TASOR2: variants seen among roughly 807,000 people sequenced by gnomAD.
TASOR2 encodes transcription activation suppressor family member 2.
A neutral mutation model predicts 199.5 loss-of-function variants in TASOR2; 84 were observed. That is an observed-to-expected ratio of 0.42 (90% CI 0.35 to 0.50). The LOEUF (loss-of-function observed/expected upper bound fraction) is 0.50, where lower values mean the gene tolerates loss of function less well. Ranked by LOEUF, TASOR2 falls within the 20% of genes least tolerant of loss-of-function variation. TASOR2 has a pLI of 0.02. For missense variants in TASOR2, 2,796 were observed against 2,835.9 expected (o/e 0.99, Z 0.32); for synonymous variants, 1,103 against 1,046.6 (o/e 1.05, Z -1.04).
intron 1 of TASOR2, among the ~76,000 whole-genome samples, chr10:5,707,388 G>C (rs1028910260): frequency 6.6e-6 from 1 of 152,070 alleles, no homozygotes; most frequent in Non-Finnish European, 1.5e-5. Context: ...ATCAGTTCAG[G>C]GATCTAGTTT....
intron 2 of TASOR2, chr10:5,714,486 C>T: frequency 3.8e-6 from 1 of 262,822 alleles, no homozygotes; most frequent in East Asian, 6.8e-5. Context: ...CCGAACTTGG[C>T]AACTATGGAA....
At chr10:5,686,127 T>C (rs2131474548) in intron 1 of TASOR2, among the ~76,000 whole-genome samples, 1 of 152,304 alleles carries the variant, frequency 6.6e-6, no homozygotes, top group Non-Finnish European at 1.5e-5. Context: ...GTATGTCCTG[T>C]ACTGTACATC....
chr10:5,718,496 C>G (rs1191886944), intron 3 of TASOR2, among the ~76,000 whole-genome samples: 1 of 151,634 alleles, frequency 6.6e-6, no homozygotes, highest in Non-Finnish European at 1.5e-5. Flanking sequence ...GCCTGTAATC[C>G]CAGCACTTTG....
chr10:5,711,903 TG>T (rs1439093348), intron 1 of TASOR2, among the ~76,000 whole-genome samples: 1 of 151,788 alleles, frequency 6.6e-6, no homozygotes, highest in African/African-American at 2.4e-5. Flanking sequence ...GTCTGGTGAG[TG>T]GGCAATAGTA....
chr10:5,703,368 T>A (rs1170481038), intron 1 of TASOR2, among the ~76,000 whole-genome samples: 1 of 152,136 alleles, frequency 6.6e-6, no homozygotes, highest in East Asian at 1.9e-4. Flanking sequence ...TAGGTTTTTT[T>A]AAATCTCTCA....
At chr10:5,744,956 T>C (rs1422901347) in intron 14 of TASOR2, among the ~76,000 whole-genome samples, 2 of 152,164 alleles carry the variant, frequency 1.3e-5, no homozygotes, top group African/African-American at 4.8e-5. Flanking sequence ...TAACAAGAGA[T>C]TTGGAACACA....
chr10:5,708,230 AT>A (rs201623805), intron 1 of TASOR2, among the ~76,000 whole-genome samples: 3,813 of 152,232 alleles, frequency 0.025, 104 homozygotes, highest in African/African-American at 0.066. Flanking sequence ...ATATTAAACT[AT>A]TTGCAGTTCC....
chr10:5,692,556 G>A (rs1407581684), intron 1 of TASOR2, among the ~76,000 whole-genome samples: 1 of 152,156 alleles, frequency 6.6e-6, no homozygotes, highest in Admixed American at 6.5e-5. Flanking sequence ...CTGGGGTCCT[G>A]CGGGTTCTGT....
exon 15 of TASOR2, chr10:5,747,108 C>T (rs1479099993): frequency 6.2e-7 from 1 of 1,614,088 alleles, no homozygotes; most frequent in Non-Finnish European, 8.5e-7. Flanking sequence ...CAGGATGCCA[C>T]ACATCAGGTG....
chr10:5,695,909 T>A (rs2131504235), intron 1 of TASOR2, among the ~76,000 whole-genome samples: 1 of 152,256 alleles, frequency 6.6e-6, no homozygotes, highest in Middle Eastern at 3.4e-3. Context: ...AATTACAGGA[T>A]GGGGTGGGAA....
exon 15 of TASOR2, chr10:5,747,827 A>G (rs779151297): frequency 4.3e-6 from 7 of 1,613,886 alleles, no homozygotes; most frequent in African/African-American, 1.3e-5. Context: ...AACTTTACCC[A>G]GGTACAACAA....
chr10:5,719,654 CT>C lies in TASOR2; in HGVS notation c.-99-881del, dbSNP rs889860108. The stretch of plus-strand genomic sequence containing the variant: ...ACTGTGCCCAGCTGCTTGCTTTTTT[CT>C]TTTTTTTTGGAGAGACATGTAACCC... On this transcript the variant is annotated intron_variant, in intron 3 of 20. Coordinates refer to ENST00000328090, the Ensembl canonical transcript of TASOR2. The surrounding 1 kb of genome is among the most constrained non-coding windows in gnomAD (Gnocchi z 4.1). Among the ~76,000 whole-genome samples the C allele has an allele frequency of 4.0e-5, 6 of 150,952 alleles. No individual in the cohort carries two copies. Among genetic ancestry groups the C allele is most frequent in the East Asian group, 1.9e-4 (1 of 5,174 alleles).
At chr10:5,749,264 C>T (rs775598640) in exon 15 of TASOR2, 15 of 1,614,186 alleles carry the variant, frequency 9.3e-6, no homozygotes, top group South Asian at 4.4e-5. Flanking sequence ...AGGAGGCACC[C>T]GAGTTTCAGT....
Position 5,726,974 on chromosome 10 carries a change from T to C in TASOR2, c.424+17T>C. 1 of 1,613,696 alleles carries C rather than the reference T, an allele frequency of 6.2e-7. No homozygotes were observed. Among genetic ancestry groups the C allele is most frequent in the African/African-American group, 1.3e-5 (1 of 75,014 alleles). Reference sequence around the variant, plus strand: ...CAGAACCAGGTATGGAGAACTGTTTTGGGAAAAAATATTTTTCATTATGTT... The same window carrying C: ...CAGAACCAGGTATGGAGAACTGTTTCGGGAAAAAATATTTTTCATTATGTT... On this transcript the variant is annotated intron_variant, in intron 9 of 20. Transcript: ENST00000328090.
At chr10:5,725,174 C>T (rs573509703) in intron 8 of TASOR2, among the ~76,000 whole-genome samples, 19 of 151,872 alleles carry the variant, frequency 1.3e-4, no homozygotes, top group South Asian at 4.2e-4. Context: ...CCAAGGCGGG[C>T]GGATCACGAG....
chr10:5,719,837 G>C lies in TASOR2; in HGVS notation c.-99-707G>C, dbSNP rs1833137113. Among the ~76,000 whole-genome samples, 1 of 152,112 alleles carries C rather than the reference G, an allele frequency of 6.6e-6. No homozygotes were observed. The highest frequency in any genetic ancestry group is 1.5e-5 in the Non-Finnish European group (1 of 68,022). On this transcript the variant is annotated intron_variant, in intron 3 of 20. Coordinates refer to ENST00000328090, the Ensembl canonical transcript of TASOR2. This position sits in a 1 kb window ranked among gnomAD's most constrained non-coding sequence, Gnocchi z 4.1. ...AGTTTATAATTTACAACTGATCATA[G>C]TTCAGATTGGAAACTCATCTTTTGA...
intron 1 of TASOR2, among the ~76,000 whole-genome samples, chr10:5,697,452 T>C (rs1329358302): frequency 6.6e-6 from 1 of 152,208 alleles, no homozygotes; most frequent in Non-Finnish European, 1.5e-5. Context: ...AGAAGTCTCG[T>C]ATACCTGGCT....
intron 1 of TASOR2, chr10:5,712,113 C>T: frequency 4.9e-6 from 1 of 204,956 alleles, no homozygotes; most frequent in East Asian, 1.1e-4. Context: ...CCACTTTTGA[C>T]CAACTACAGT....
At chr10:5,723,299 C>A (rs12257412) in intron 6 of TASOR2, among the ~76,000 whole-genome samples, 20,504 of 151,774 alleles carry the variant, frequency 0.14, 3,108 homozygotes, top group East Asian at 0.44. Context: ...TTCTGATCCA[C>A]CCGCCTCAGC....
Sources: gnomAD v4.1 joint callset for allele counts (sites outside exome capture counted in the v4.1 genomes callset) on GRCh38, gnomAD v4.1.1 for gene constraint, Gnocchi (gnomAD v3.1) non-coding constraint, MANE v1.5 for transcripts, NCBI Gene and HGNC (gene_info 2026-07-23, HGNC 2026-07-21) for gene names.